Variants in SYT14 observed in about 807,000 individuals in gnomAD.
The protein encoded by SYT14 is synaptotagmin-14.
Under a neutral mutation model 74.2 loss-of-function variants are expected in SYT14, and 32 were observed. The observed-to-expected ratio is 0.43, with a 90% CI of 0.33 to 0.58. The LOEUF (loss-of-function observed/expected upper bound fraction) is 0.58, where lower values mean the gene tolerates loss of function less well. Ranked by LOEUF, SYT14 falls within the 20% of genes least tolerant of loss-of-function variation. The pLI, the probability that SYT14 is intolerant of heterozygous loss-of-function variation, is 0.05. For missense variants in SYT14, 791 were observed against 981.8 expected (o/e 0.81, Z 2.60); for synonymous variants, 298 against 337.7 (o/e 0.88, Z 1.29).
intron 7 of SYT14, among the ~76,000 whole-genome samples, chr1:210,108,823 A>T (rs1441454496): frequency 6.6e-6 from 1 of 152,198 alleles, no homozygotes; most frequent in Non-Finnish European, 1.5e-5. Flanking sequence ...AGTCCCAAGG[A>T]TATCAAGAAA....
chr1:210,165,756 C>A (rs1267817839), exon 10 of SYT14: 1 of 152,184 alleles, frequency 6.6e-6, no homozygotes, highest in Non-Finnish European at 1.5e-5. Flanking sequence ...TCTTTCTGTA[C>A]CCCTTTGCTT....
chr1:210,003,719 T>C (rs1194298897), intron 2 of SYT14, among the ~76,000 whole-genome samples: 1 of 152,164 alleles, frequency 6.6e-6, no homozygotes, highest in Non-Finnish European at 1.5e-5. Context: ...ACCAGTCACT[T>C]GCTGGCAATG....
intron 5 of SYT14, among the ~76,000 whole-genome samples, chr1:210,081,825 A>G (rs1393704647): frequency 6.6e-6 from 1 of 152,240 alleles, no homozygotes; most frequent in Non-Finnish European, 1.5e-5. Context: ...CTATAATCAT[A>G]ATAGCACTAT....
chr1:210,052,358 C>G (rs894628424), intron 5 of SYT14, among the ~76,000 whole-genome samples: 3 of 151,230 alleles, frequency 2.0e-5, no homozygotes, highest in African/African-American at 7.3e-5. Flanking sequence ...GTAGCTGGAA[C>G]TACAGGTCCC....
intron 5 of SYT14, among the ~76,000 whole-genome samples, chr1:210,090,844 T>G (rs2081852901): frequency 6.6e-6 from 1 of 152,096 alleles, no homozygotes; most frequent in Non-Finnish European, 1.5e-5. Context: ...AAAAACAGAT[T>G]GCAAACATTT....
chr1:209,973,166 G>T (rs1226657580), intron 2 of SYT14, among the ~76,000 whole-genome samples: 7 of 151,208 alleles, frequency 4.6e-5, no homozygotes, highest in African/African-American at 1.7e-4. Context: ...AGCGACTCCA[G>T]CTCTTTTTTT....
chr1:210,100,544 C>A, intron 7 of SYT14, 83 bp downstream of exon 6: 1 of 1,374,006 alleles, frequency 7.3e-7, no homozygotes, highest in Non-Finnish European at 1.0e-6. Context: ...TTAATCAAGC[C>A]AACAAGTTTG....
intron 7 of SYT14, among the ~76,000 whole-genome samples, chr1:210,126,363 A>G (rs1307195978): frequency 6.6e-6 from 1 of 151,600 alleles, no homozygotes; most frequent in Non-Finnish European, 1.5e-5. Flanking sequence ...AAAAATGCAT[A>G]GAAAGGTTAA....
chr1:209,958,915 C>G (rs1366988272), intron 2 of SYT14, among the ~76,000 whole-genome samples: 3 of 151,974 alleles, frequency 2.0e-5, no homozygotes, highest in South Asian at 4.1e-4. Flanking sequence ...TGGACAATAA[C>G]AAGTGTTGGC....
intron 5 of SYT14, among the ~76,000 whole-genome samples, chr1:210,086,933 T>C (rs937606545): frequency 6.6e-6 from 1 of 152,192 alleles, no homozygotes; most frequent in Non-Finnish European, 1.5e-5. Context: ...TAACCTTAAA[T>C]ATATTTATTA....
At chr1:210,003,185 C>G (rs946505553) in intron 2 of SYT14, among the ~76,000 whole-genome samples, 1 of 152,190 alleles carries the variant, frequency 6.6e-6, no homozygotes, top group Non-Finnish European at 1.5e-5. Context: ...CCCTCACTCA[C>G]CCACTGCTCT....
chr1:209,962,196 A>C (rs1400426090), intron 2 of SYT14, among the ~76,000 whole-genome samples: 1 of 151,954 alleles, frequency 6.6e-6, no homozygotes, highest in Non-Finnish European at 1.5e-5. Context: ...TATTTTAAAA[A>C]ATATTGTCAT....
chr1:210,087,048 C>T (rs950922044), intron 5 of SYT14, among the ~76,000 whole-genome samples: 1 of 152,106 alleles, frequency 6.6e-6, no homozygotes, highest in Non-Finnish European at 1.5e-5. Flanking sequence ...TGTGGGTGTC[C>T]TCATGACCAG....
chr1:210,144,462 G>A (rs979026303), intron 7 of SYT14, among the ~76,000 whole-genome samples: 17 of 152,066 alleles, frequency 1.1e-4, no homozygotes, highest in Non-Finnish European at 2.2e-4. Context: ...ACAGACCCCC[G>A]TAAATCTGAC....
chr1:210,115,606 G>T (rs2102594423), intron 7 of SYT14, among the ~76,000 whole-genome samples: 1 of 151,408 alleles, frequency 6.6e-6, no homozygotes, highest in South Asian at 2.1e-4. Context: ...TTAAGAGAAG[G>T]GAGAGATTGA....
At chr1:210,133,908 A>G (rs939906394) in intron 7 of SYT14, among the ~76,000 whole-genome samples, 32 of 150,260 alleles carry the variant, frequency 2.1e-4, no homozygotes, top group Admixed American at 1.9e-3. Flanking sequence ...AGAAACACCA[A>G]CTCCATAGGA....
At chr1:210,085,010 A>G (rs1329911994) in intron 5 of SYT14, among the ~76,000 whole-genome samples, 5 of 152,194 alleles carry the variant, frequency 3.3e-5, no homozygotes, top group Admixed American at 3.3e-4. Flanking sequence ...CCTTTCCTGT[A>G]CCATGCAGGC....
At chr1:210,023,042 T>A (rs1002995672) in intron 5 of SYT14, among the ~76,000 whole-genome samples, 5 of 152,172 alleles carry the variant, frequency 3.3e-5, no homozygotes, top group African/African-American at 1.2e-4. Flanking sequence ...CATTTTATTT[T>A]ACCCATATAT....
At chr1:210,010,446 T>C (rs994166697) in intron 2 of SYT14, among the ~76,000 whole-genome samples, 3 of 152,164 alleles carry the variant, frequency 2.0e-5, no homozygotes, top group Non-Finnish European at 2.9e-5. Flanking sequence ...ATGCCATGTA[T>C]ATTATTTCTG....
Sources: gnomAD v4.1 joint callset for allele counts (sites outside exome capture counted in the v4.1 genomes callset) on GRCh38, gnomAD v4.1.1 for gene constraint, MANE v1.5 for transcripts, NCBI Gene and HGNC (gene_info 2026-07-23, HGNC 2026-07-21) for gene names.